Variants in UNC79 observed in about 807,000 individuals in gnomAD.
UNC79 encodes the protein unc-79 subunit of NALCN channel complex.
In UNC79, 37 loss-of-function variants were observed where a neutral mutation model predicts 283.1. The ratio of observed to expected loss-of-function variants is 0.13; its 90% CI spans 0.10 to 0.17. The LOEUF (loss-of-function observed/expected upper bound fraction) is 0.17, where lower values mean the gene tolerates loss of function less well. UNC79 is among the 10% of genes least tolerant of loss of function. The pLI, the probability that UNC79 is intolerant of heterozygous loss-of-function variation, is 1.00. For missense variants in UNC79, 2,272 were observed against 3,211.1 expected (o/e 0.71, Z 7.07); for synonymous variants, 1,107 against 1,200.2 (o/e 0.92, Z 1.61).
intron 30 of UNC79, among the ~76,000 whole-genome samples, chr14:93,629,601 A>C (rs2140055442): frequency 6.6e-6 from 1 of 152,334 alleles, no homozygotes; most frequent in East Asian, 1.9e-4. Context: ...GATGCTTCGA[A>C]ATCAGTGCTC....
chr14:93,681,199 G>A (rs1217974324), intron 41 of UNC79, among the ~76,000 whole-genome samples: 2 of 152,194 alleles, frequency 1.3e-5, no homozygotes, highest in African/African-American at 4.8e-5. Context: ...TTAATGTGGA[G>A]ATCTGTGTCC....
rs866553595 is a variant in UNC79 at position 93,363,224 on chromosome 14, A to G, written c.-351+29701A>G. On this transcript the variant is annotated intron_variant, in intron 1 of 49. Coordinates refer to the UNC79 transcript ENST00000256339. Reference sequence around the variant, plus strand: ...TCTGCCTTAATTTCATTGTTTACCCAAAAGTCATTCAGGAGGAGATTGTTT... The same window carrying G: ...TCTGCCTTAATTTCATTGTTTACCCGAAAGTCATTCAGGAGGAGATTGTTT... Among the ~76,000 whole-genome samples the G allele has an allele frequency of 1.3e-4, 20 of 152,196 alleles. 1 individual carries two copies. In the South Asian group the frequency reaches 3.7e-3, roughly 28 times the overall value.
At chr14:93,432,807 C>T (rs559684833) in intron 1 of UNC79, among the ~76,000 whole-genome samples, 3 of 152,266 alleles carry the variant, frequency 2.0e-5, no homozygotes, top group African/African-American at 7.2e-5. Flanking sequence ...GGAAAAAACA[C>T]CACCTGTCAT....
intron 46 of UNC79, 112 bp from the exon 50 acceptor site, chr14:93,694,223 T>G: frequency 1.1e-6 from 1 of 878,170 alleles, no homozygotes; most frequent in Non-Finnish European, 1.8e-6. Flanking sequence ...CTACGGTCAT[T>G]ACACAGAAAG....
chr14:93,514,590 T>C (rs1279302359), intron 7 of UNC79, among the ~76,000 whole-genome samples: 1 of 152,232 alleles, frequency 6.6e-6, no homozygotes, highest in Non-Finnish European at 1.5e-5. Flanking sequence ...TCCACTGATC[T>C]GTGATACCTC....
In UNC79 at chr14:93,479,095, C is replaced by A. The variant is rs562270325; in HGVS notation, c.619+1367C>A. Among the ~76,000 whole-genome samples the A allele has an allele frequency of 1.4e-4, 21 of 152,172 alleles. No homozygotes were observed. In the South Asian group the frequency reaches 4.1e-3, roughly 30 times the overall value. On this transcript the variant is annotated intron_variant, in intron 4 of 48. Coordinates refer to ENST00000555664, the Ensembl canonical transcript of UNC79. Reference sequence around the variant, plus strand: ...TCGTTTTAGAATTGCATAGTCATATCTTTAAAATAAGTGATGTTAACTGTT... The same window carrying A: ...TCGTTTTAGAATTGCATAGTCATATATTTAAAATAAGTGATGTTAACTGTT...
chr14:93,651,914 T>C (rs997949303), intron 35 of UNC79, among the ~76,000 whole-genome samples: 1 of 9,222 alleles, frequency 1.1e-4, no homozygotes, highest in Non-Finnish European at 3.4e-4. Context: ...AATTTTGTAT[T>C]TTTTTTTTTT....
At chr14:93,536,782 C>CCTTT (rs1567069571) in intron 11 of UNC79, among the ~76,000 whole-genome samples, 3 of 82,438 alleles carry the variant, frequency 3.6e-5, no homozygotes, top group Admixed American at 1.4e-4. Context: ...CCACCCCCGG[C>CCTTT]TTTTTTTTTT....
intron 30 of UNC79, among the ~76,000 whole-genome samples, chr14:93,630,485 A>G (rs1237300894): frequency 6.6e-6 from 1 of 152,196 alleles, no homozygotes; most frequent in African/African-American, 2.4e-5. Context: ...GTCTTAGATG[A>G]AAAGAAATTT....
At chr14:93,433,192 G>A (rs1471298758) in intron 1 of UNC79, among the ~76,000 whole-genome samples, 1 of 152,186 alleles carries the variant, frequency 6.6e-6, no homozygotes, top group African/African-American at 2.4e-5. Flanking sequence ...GTAAGGAATT[G>A]TAGTAGGAGC....
intron 1 of UNC79, among the ~76,000 whole-genome samples, chr14:93,405,163 A>G (rs2055201300): frequency 6.6e-6 from 1 of 151,696 alleles, no homozygotes; most frequent in African/African-American, 2.4e-5. Context: ...GGCACCTGTA[A>G]TCCCAGCTAC....
intron 5 of UNC79, among the ~76,000 whole-genome samples, chr14:93,496,006 T>A (rs1567002742): frequency 6.6e-6 from 1 of 152,200 alleles, no homozygotes; most frequent in Non-Finnish European, 1.5e-5. Context: ...CCATAGCAAT[T>A]GTGAGATAAT....
At chr14:93,491,041 C>G (rs981215876) in intron 5 of UNC79, among the ~76,000 whole-genome samples, 1 of 152,142 alleles carries the variant, frequency 6.6e-6, no homozygotes, top group African/African-American at 2.4e-5. Flanking sequence ...AATCAAGGTG[C>G]TGGTAGATTG....
intron 35 of UNC79, among the ~76,000 whole-genome samples, chr14:93,652,188 C>T (rs1041492077): frequency 7.9e-5 from 12 of 152,082 alleles, no homozygotes; most frequent in African/African-American, 1.4e-4. Context: ...TACTATTAAT[C>T]GCAGTAGCTA....
Position 93,474,322 on chromosome 14 carries a change from A to C in UNC79, c.377A>C (p.Asp126Ala). ...CAGTTGTCAGACTACCCTTCTTTGG[A>C]CTACCAAGGCCTCTACGTGACTTTG... The change falls in exon 3 of 49, where the codon GAC becomes GCC. Residue 126 changes from aspartate (D) to alanine (A), a missense_variant. Transcript: ENST00000555664. The surrounding 1 kb of genome is among the most constrained non-coding windows in gnomAD (Gnocchi z 4.1). The C allele has an allele frequency of 6.5e-7, 1 of 1,536,016 alleles. No homozygotes were observed. The highest frequency in any genetic ancestry group is 8.7e-7 in the Non-Finnish European group (1 of 1,146,858).
intron 1 of UNC79, among the ~76,000 whole-genome samples, chr14:93,411,163 T>A (rs2055328937): frequency 6.6e-6 from 1 of 152,030 alleles, no homozygotes; most frequent in Admixed American, 6.5e-5. Context: ...GTATTGGTGG[T>A]AGCTTCGCAG....
chr14:93,401,594 C>T (rs748952672), intron 1 of UNC79, among the ~76,000 whole-genome samples: 2 of 152,144 alleles, frequency 1.3e-5, no homozygotes, highest in African/African-American at 2.4e-5. Flanking sequence ...CTCCTGCTAG[C>T]CCCAGCCCCA....
chr14:93,519,302 T>C (rs2060212888), intron 7 of UNC79, among the ~76,000 whole-genome samples: 1 of 151,890 alleles, frequency 6.6e-6, no homozygotes, highest in Non-Finnish European at 1.5e-5. Context: ...ATATAGACAC[T>C]CAAGCTTTCT....
chr14:93,505,692 T>C (rs1272794313), intron 7 of UNC79, among the ~76,000 whole-genome samples: 1 of 151,834 alleles, frequency 6.6e-6, no homozygotes, highest in Non-Finnish European at 1.5e-5. Context: ...TCTATTGTGA[T>C]CTATTTTTCC....
Sources: allele counts gnomAD v4.1 joint callset (sites outside exome capture counted in the v4.1 genomes callset), GRCh38; gene constraint gnomAD v4.1.1; non-coding constraint Gnocchi (gnomAD v3.1); transcripts MANE v1.5; gene names NCBI Gene and HGNC (gene_info 2026-07-23, HGNC 2026-07-21).